The following BASP1 variants were observed in gnomAD, a reference collection of about 807,000 sequenced individuals.
BASP1 encodes the protein brain acid soluble protein 1.
Under a neutral mutation model 2.2 loss-of-function variants are expected in BASP1, and 1 was observed. The observed-to-expected ratio is 0.46, with a 90% CI of 0.16 to 2.17. The LOEUF is 2.17. Ranked by LOEUF, BASP1 falls within the 30% of genes most tolerant of loss-of-function variation. BASP1 has a pLI of 0.27. For missense variants in BASP1, 352 were observed against 327.2 expected, an observed-to-expected ratio of 1.08 and a Z score of -0.58; for synonymous variants, 187 against 154.2, an observed-to-expected ratio of 1.21 and a Z score of -1.58.
At chr5:17,242,748 A>G (rs560349334) in intron 1 of BASP1, among the ~76,000 whole-genome samples, 10 of 152,328 alleles carry the variant, frequency 6.6e-5, no homozygotes, top group African/African-American at 2.4e-4. Context: ...AACTTTAAAC[A>G]ACAGAAAATG....
intron 1 of BASP1, among the ~76,000 whole-genome samples, chr5:17,227,319 A>G (rs1028228435): frequency 5.3e-5 from 8 of 152,010 alleles, no homozygotes; most frequent in African/African-American, 1.7e-4. Flanking sequence ...TCCTGGGTTC[A>G]AGCAATTCTC....
At chr5:17,238,518 A>G (rs936182478) in intron 1 of BASP1, among the ~76,000 whole-genome samples, 1 of 152,192 alleles carries the variant, frequency 6.6e-6, no homozygotes, top group Admixed American at 6.5e-5. Flanking sequence ...ATTTGATGCA[A>G]GTGCTCTGTG....
At chr5:17,249,990 T>C (rs1740068833) in intron 1 of BASP1, among the ~76,000 whole-genome samples, 1 of 152,234 alleles carries the variant, frequency 6.6e-6, no homozygotes, top group African/African-American at 2.4e-5. Flanking sequence ...TCCTCCAGGC[T>C]GGAGTGCAGT....
At chr5:17,246,023 G>T (rs540867679) in intron 1 of BASP1, among the ~76,000 whole-genome samples, 13 of 152,176 alleles carry the variant, frequency 8.5e-5, no homozygotes, top group African/African-American at 1.4e-4. Context: ...ACCACGGTTA[G>T]ATGTTTTCTA....
intron 1 of BASP1, among the ~76,000 whole-genome samples, chr5:17,252,545 A>G (rs1740123438): frequency 6.6e-6 from 1 of 152,174 alleles, no homozygotes; most frequent in African/African-American, 2.4e-5. Context: ...GTGCCTTGGC[A>G]CCACACCTCC....
chr5:17,219,212 G>T (rs1739340384), intron 1 of BASP1, among the ~76,000 whole-genome samples: 1 of 151,884 alleles, frequency 6.6e-6, no homozygotes. Flanking sequence ...TTGGCCTCGC[G>T]CATGCGCCGG....
chr5:17,264,776 G>A (rs1740385692), intron 1 of BASP1, among the ~76,000 whole-genome samples: 1 of 152,170 alleles, frequency 6.6e-6, no homozygotes, highest in Non-Finnish European at 1.5e-5. Flanking sequence ...ATTGTCATCT[G>A]TCTGATCTCA....
chr5:17,239,754 A>G (rs1393563253), intron 1 of BASP1, among the ~76,000 whole-genome samples: 1 of 152,212 alleles, frequency 6.6e-6, no homozygotes, highest in African/African-American at 2.4e-5. Flanking sequence ...ACAGGCTTAA[A>G]TTAGTGAAGT....
At chr5:17,250,143 C>T (rs781142079) in intron 1 of BASP1, among the ~76,000 whole-genome samples, 8 of 152,176 alleles carry the variant, frequency 5.3e-5, no homozygotes, top group Non-Finnish European at 1.2e-4. Context: ...GATGAGATTT[C>T]ACCATGTTGG....
At chr5:17,261,867 T>C (rs1488075043) in intron 1 of BASP1, among the ~76,000 whole-genome samples, 2 of 152,240 alleles carry the variant, frequency 1.3e-5, no homozygotes, top group Non-Finnish European at 2.9e-5. Flanking sequence ...TTGACCATTG[T>C]GGCTTTCTCT....
chr5:17,271,874 C>A (rs1321983695), intron 1 of BASP1, among the ~76,000 whole-genome samples: 1 of 151,998 alleles, frequency 6.6e-6, no homozygotes, highest in Non-Finnish European at 1.5e-5. Flanking sequence ...CAAGACCAGC[C>A]TGGCCAACAT....
intron 1 of BASP1, among the ~76,000 whole-genome samples, chr5:17,271,832 C>T (rs1447684156): frequency 6.6e-6 from 1 of 151,736 alleles, no homozygotes; most frequent in East Asian, 1.9e-4. Flanking sequence ...TTCGGGAGGC[C>T]GAAGTGGGCA....
chr5:17,262,568 AAC>A (rs1189783236), intron 1 of BASP1, among the ~76,000 whole-genome samples: 1 of 152,236 alleles, frequency 6.6e-6, no homozygotes, highest in African/African-American at 2.4e-5. Context: ...TAAGTATCAA[AAC>A]AGTCTTATGC....
intron 1 of BASP1, among the ~76,000 whole-genome samples, chr5:17,225,978 CTGA>C (rs1164732368): frequency 2.6e-5 from 4 of 152,252 alleles, no homozygotes; most frequent in East Asian, 3.9e-4. Context: ...ATGTTTGAAA[CTGA>C]TGTTGGTAAA....
At chr5:17,266,210 G>A (rs996337702) in intron 1 of BASP1, among the ~76,000 whole-genome samples, 1 of 152,148 alleles carries the variant, frequency 6.6e-6, no homozygotes, top group Non-Finnish European at 1.5e-5. Context: ...AGAAGTTTAA[G>A]GAACAGTATA....
At chr5:17,218,610 G>C (rs1283608915) in intron 1 of BASP1, among the ~76,000 whole-genome samples, 2 of 151,998 alleles carry the variant, frequency 1.3e-5, no homozygotes, top group Admixed American at 1.3e-4. Flanking sequence ...CCGGGCCCGG[G>C]GGGTGTGGGC....
At chr5:17,243,781 T>TA (rs917149838) in intron 1 of BASP1, among the ~76,000 whole-genome samples, 13 of 152,216 alleles carry the variant, frequency 8.5e-5, no homozygotes, top group Non-Finnish European at 1.5e-4. Context: ...ATGGAAGCTC[T>TA]ATGCCTCCAG....
chr5:17,276,101 AAGGG>A lies in BASP1; in HGVS notation c.*210_*213del. Reference sequence around the variant, plus strand: ...GAAAAATACAGGATGTTGTCCCATCAAGGGAGGGAGGGGGTGGGAGAATCCAAAT... The same window carrying A: ...GAAAAATACAGGATGTTGTCCCATCAAGGGAGGGGGTGGGAGAATCCAAAT... On this transcript the variant is annotated 3_prime_UTR_variant, in exon 2 of 2. Transcript: ENST00000322611. The A allele has an allele frequency of 2.9e-6, 1 of 342,704 alleles. No individual in the cohort carries two copies. Among genetic ancestry groups the A allele is most frequent in the Non-Finnish European group, 5.4e-6 (1 of 183,978 alleles). 21.2% of individuals were successfully genotyped at this position (342,704 alleles called of 1,614,324 possible).
chr5:17,235,425 T>TG (rs1462936094), intron 1 of BASP1, among the ~76,000 whole-genome samples: 1 of 151,850 alleles, frequency 6.6e-6, no homozygotes, highest in Non-Finnish European at 1.5e-5. Context: ...CAGGCCGGGC[T>TG]AATTTTTTTT....
Sources: gnomAD v4.1 joint callset for allele counts (sites outside exome capture counted in the v4.1 genomes callset) on GRCh38, gnomAD v4.1.1 for gene constraint, MANE v1.5 for transcripts, NCBI Gene and HGNC (gene_info 2026-07-23, HGNC 2026-07-21) for gene names.